CDH23: variants seen among roughly 807,000 people sequenced by gnomAD.
The protein encoded by CDH23 is cadherin related 23, also known as cadherin-23.
A neutral mutation model predicts 317.1 loss-of-function variants in CDH23; 189 were observed. That is an observed-to-expected ratio of 0.60 (90% CI 0.53 to 0.67). The LOEUF (loss-of-function observed/expected upper bound fraction) is 0.67. Among genes scored for constraint, CDH23 ranks in the 30% least tolerant of loss-of-function variants. The pLI is 0.00. For missense variants in CDH23, 4,401 were observed against 4,592.4 expected, an observed-to-expected ratio of 0.96 and a Z score of 1.20; for synonymous variants, 1,839 against 1,876.8, an observed-to-expected ratio of 0.98 and a Z score of 0.52.
At chr10:71,792,855 ATAT>A (rs1841298947) in intron 47 of CDH23, among the ~76,000 whole-genome samples, 5 of 76,426 alleles carry the variant, frequency 6.5e-5, no homozygotes, top group South Asian at 7.9e-4. Flanking sequence ...AAAAAAAAAT[ATAT>A]ATATATATAT....
intron 3 of CDH23, among the ~76,000 whole-genome samples, chr10:71,463,572 G>A (rs886999456): frequency 2.0e-5 from 3 of 152,280 alleles, no homozygotes; most frequent in African/African-American, 7.2e-5. Flanking sequence ...AGCAGGGATC[G>A]CTGAAGGGAG....
chr10:71,754,714 T>C (rs941374849), intron 38 of CDH23, among the ~76,000 whole-genome samples: 1 of 152,166 alleles, frequency 6.6e-6, no homozygotes, highest in African/African-American at 2.4e-5. Context: ...ATGGGGACAA[T>C]GGTAGGACCA....
chr10:71,702,743 T>G (rs1376789113), intron 24 of CDH23, 49 bp downstream of exon 24: 1 of 1,609,308 alleles, frequency 6.2e-7, no homozygotes, highest in East Asian at 2.2e-5. Flanking sequence ...GGGCAGTGGG[T>G]GCCTGAGGAG....
chr10:71,787,936 T>G (rs1841148133), intron 44 of CDH23, among the ~76,000 whole-genome samples: 2 of 152,352 alleles, frequency 1.3e-5, no homozygotes, highest in Admixed American at 1.3e-4. Flanking sequence ...GAAGGGTAAT[T>G]CTGTCTTTAG....
At chr10:71,673,560 G>T (rs1441874411) in intron 14 of CDH23, among the ~76,000 whole-genome samples, 1 of 152,204 alleles carries the variant, frequency 6.6e-6, no homozygotes, top group East Asian at 1.9e-4. Flanking sequence ...GAATAACCAG[G>T]CTCCCTTCCT....
At chr10:71,569,774 G>A (rs7901462) in intron 7 of CDH23, among the ~76,000 whole-genome samples, 6,699 of 152,216 alleles carry the variant, frequency 0.044, 270 homozygotes, top group East Asian at 0.16. Context: ...TGGCTGCCAC[G>A]TCATCTGTAC....
chr10:71,795,722 C>A, intron 48 of CDH23: 1 of 688,250 alleles, frequency 1.5e-6, no homozygotes, highest in Non-Finnish European at 1.8e-6. Context: ...CTCCTCCCAC[C>A]CCGTCAGCTC....
Position 71,791,116 on chromosome 10 carries a change from C to T in CDH23, c.6050-16C>T, listed in dbSNP as rs375253318. 2.4e-5 allele frequency: 38 copies of T among 1,589,220 alleles called. No homozygotes were observed. The highest frequency in any genetic ancestry group is 9.1e-5 in the East Asian group (4 of 43,902). ...CTTTTCTGTGTGTTTCCCTGGCTGG[C>T]GGCACCGGGTGCCAGGTGTGGTGAC... On this transcript the variant is annotated splice_polypyrimidine_tract_variant and intron_variant, in intron 46 of 69. Coordinates refer to ENST00000224721, the MANE Select transcript of CDH23 (RefSeq NM_022124.6).
rs1268246454 is a variant in CDH23 at position 71,623,046 on chromosome 10, C to CTATGTGCCAGGACTA, written c.1134+5654_1134+5655insATGTGCCAGGACTAT. 3 of 701,126 alleles carry CTATGTGCCAGGACTA rather than the reference C, an allele frequency of 4.3e-6. No individual in the cohort carries two copies. The East Asian group carries it at 4.0e-4, about 93-fold the overall frequency. The allele number at this position is 701,126 out of a possible 1,614,324, so 43.4% of individuals were successfully genotyped here. On this transcript the variant is annotated intron_variant, in intron 11 of 69. Coordinates refer to ENST00000224721, the MANE Select transcript of CDH23 (RefSeq NM_022124.6). Reference sequence around the variant, plus strand: ...ATGTGCACCAACTATGTGCCTGCCACTGTGCTAGGTCCTGGGGGGACTGAG... The same window carrying CTATGTGCCAGGACTA: ...ATGTGCACCAACTATGTGCCTGCCACTATGTGCCAGGACTATGTGCTAGGTCCTGGGGGGACTGAG...
intron 38 of CDH23, among the ~76,000 whole-genome samples, chr10:71,759,884 C>CATATATATACACACACATAT (rs377560344): frequency 2.0e-5 from 1 of 49,120 alleles, no homozygotes; most frequent in Non-Finnish European, 4.5e-5. Context: ...CACACACACA[C>CATATATATACACACACATAT]ATATACACAC....
At chr10:71,698,287 T>TA (rs1865465367) in intron 22 of CDH23, among the ~76,000 whole-genome samples, 1 of 152,194 alleles carries the variant, frequency 6.6e-6, no homozygotes, top group Admixed American at 6.5e-5. Context: ...AATGTATATA[T>TA]GCATACATAT....
chr10:71,681,089 A>G (rs1029348194), intron 17 of CDH23, among the ~76,000 whole-genome samples: 2 of 151,704 alleles, frequency 1.3e-5, no homozygotes, highest in African/African-American at 2.4e-5. Flanking sequence ...CAGCCTCCCA[A>G]AGTGCTGGGA....
At chr10:71,572,709 A>G (rs189612047) in intron 8 of CDH23, among the ~76,000 whole-genome samples, 84 of 152,308 alleles carry the variant, frequency 5.5e-4, no homozygotes, top group Non-Finnish European at 9.4e-4. Flanking sequence ...TATCCGTCCC[A>G]GAGATAGCAA....
chr10:71,531,131 C>A (rs544789689), intron 6 of CDH23, among the ~76,000 whole-genome samples: 3 of 152,334 alleles, frequency 2.0e-5, no homozygotes, highest in African/African-American at 7.2e-5. Flanking sequence ...TATGACAGTT[C>A]ACCCCTAAGA....
chr10:71,443,139 A>G (rs7919449), intron 2 of CDH23, among the ~76,000 whole-genome samples: 125,142 of 152,188 alleles, frequency 0.82, 51,796 homozygotes, highest in East Asian at 0.91. Flanking sequence ...GAGCCACTGC[A>G]CCTTCAGCCC....
chr10:71,651,036 T>C (rs1246287637), intron 14 of CDH23, among the ~76,000 whole-genome samples: 1 of 152,238 alleles, frequency 6.6e-6, no homozygotes, highest in Non-Finnish European at 1.5e-5. Context: ...CTTGTACTTA[T>C]AAAGTTTATA....
intron 11 of CDH23, among the ~76,000 whole-genome samples, chr10:71,619,720 G>T (rs1861374766): frequency 6.6e-6 from 1 of 152,206 alleles, no homozygotes; most frequent in South Asian, 2.1e-4. Context: ...GGCAAGCAAG[G>T]ATGTGTGCAG....
chr10:71,764,952 C>T (rs773121936), intron 38 of CDH23, among the ~76,000 whole-genome samples: 5 of 152,344 alleles, frequency 3.3e-5, no homozygotes, highest in Non-Finnish European at 7.3e-5. Context: ...AAAGGAGCCC[C>T]AGGAAGCTTG....
chr10:71,689,120 AGCCAGGGGTGGTGGAGCCAGGGG>A (rs1564734065), intron 19 of CDH23, among the ~76,000 whole-genome samples: 1,961 of 134,258 alleles, frequency 0.015, 14 homozygotes, highest in Non-Finnish European at 0.021. Flanking sequence ...GGGGTGGTGG[AGCCAGGGGTGGTGGAGCCAGGGG>A]TGGTGGAGTC....
Sources: allele counts gnomAD v4.1 joint callset (sites outside exome capture counted in the v4.1 genomes callset), GRCh38; gene constraint gnomAD v4.1.1; transcripts MANE v1.5; gene names NCBI Gene and HGNC (gene_info 2026-07-23, HGNC 2026-07-21).